Variants in TGFBRAP1 observed in about 807,000 individuals in gnomAD.
TGFBRAP1 encodes transforming growth factor beta receptor associated protein 1.
In TGFBRAP1, 20 loss-of-function variants were observed where a neutral mutation model predicts 83.2. The ratio of observed to expected loss-of-function variants is 0.24; its 90% confidence interval spans 0.17 to 0.35. The LOEUF is 0.35. TGFBRAP1 is among the 10% of genes least tolerant of loss of function. The pLI, the probability that TGFBRAP1 is intolerant of heterozygous loss-of-function variation, is 1.00. For synonymous variants in TGFBRAP1, 415 were observed against 459.8 expected, an observed-to-expected ratio of 0.90 and a Z score of 1.25; for missense variants, 950 against 1,099.4, an observed-to-expected ratio of 0.86 and a Z score of 1.92.
At chr2:105,323,704 C>CA (rs956280367) in intron 1 of TGFBRAP1, among the ~76,000 whole-genome samples, 14 of 152,118 alleles carry the variant, frequency 9.2e-5, no homozygotes, top group African/African-American at 3.4e-4. Flanking sequence ...GAGATGTCAA[C>CA]AAAAGTCCCT....
intron 10 of TGFBRAP1, among the ~76,000 whole-genome samples, 165 bp downstream of exon 10, chr2:105,272,690 A>G (rs965591485): frequency 5.3e-5 from 8 of 152,128 alleles, no homozygotes. Flanking sequence ...TGGGTGACAA[A>G]GCGACACCCT....
chr2:105,325,476 C>T (rs1679200727), intron 1 of TGFBRAP1, among the ~76,000 whole-genome samples: 1 of 152,116 alleles, frequency 6.6e-6, no homozygotes, highest in Non-Finnish European at 1.5e-5. Flanking sequence ...ACTCCAAGGC[C>T]ATATTCTTAT....
chr2:105,281,773 C>T (rs1008717564), intron 5 of TGFBRAP1, among the ~76,000 whole-genome samples: 18 of 152,124 alleles, frequency 1.2e-4, no homozygotes, highest in African/African-American at 3.9e-4. Context: ...TCAGCCTTTG[C>T]TGTGGTTGTT....
intron 2 of TGFBRAP1, among the ~76,000 whole-genome samples, chr2:105,306,036 G>A (rs1461523621): frequency 1.3e-5 from 2 of 150,878 alleles, no homozygotes; most frequent in Admixed American, 6.6e-5. Context: ...GAACCCTTAC[G>A]GAGTTTTCTG....
Position 105,308,284 on chromosome 2 carries a change from G to T in TGFBRAP1, c.18C>A (p.Ala6=), listed in dbSNP as rs1678587605. Reference sequence around the variant, plus strand: ...GCTCCACAGCAGAGACAAGCGTAAAGGCTTTGATGCTCATCATGTCTACTG... The same window carrying T: ...GCTCCACAGCAGAGACAAGCGTAAATGCTTTGATGCTCATCATGTCTACTG... The part of the protein sequence containing the change: MMSIK[A]FTLVSAVERE... The change falls in exon 2 of 12, where the codon GCC becomes GCA. Residue 6 remains alanine (A), a synonymous_variant. Transcript: ENST00000393359. The T allele has an allele frequency of 6.2e-7, 1 of 1,610,512 alleles. No individual in the cohort carries two copies. Among genetic ancestry groups the T allele is most frequent in the Non-Finnish European group, 8.5e-7 (1 of 1,177,076 alleles).
intron 4 of TGFBRAP1, among the ~76,000 whole-genome samples, chr2:105,289,543 A>G (rs1036209845): frequency 2.6e-5 from 4 of 152,170 alleles, no homozygotes; most frequent in Admixed American, 2.6e-4. Flanking sequence ...CTTTTATGCC[A>G]TTTTAATAGT....
chr2:105,257,038 A>T, the TGFBRAP1 span, among the ~76,000 whole-genome samples: 2 of 152,218 alleles, frequency 1.3e-5, no homozygotes, highest in Non-Finnish European at 2.9e-5. Context: ...CTTGTTTAGC[A>T]TGTAATCAAG....
At position 105,267,107 on chromosome 2, in the gene TGFBRAP1, T is replaced by A; in HGVS notation, c.*276A>T. On this transcript the variant is annotated 3_prime_UTR_variant, in exon 12 of 12. Transcript: ENST00000393359. Reference sequence around the variant, plus strand: ...TTTCAAAGTAGACCTCTGTCTTGGATTACTATGTACCTGGACAGGTGAACT... The same window carrying A: ...TTTCAAAGTAGACCTCTGTCTTGGAATACTATGTACCTGGACAGGTGAACT... 1 of 372,914 alleles carries A rather than the reference T, an allele frequency of 2.7e-6. No homozygotes were observed. Among genetic ancestry groups the A allele is most frequent in the Non-Finnish European group, 4.8e-6 (1 of 208,522 alleles). 23.1% of individuals were successfully genotyped at this position (372,914 alleles called of 1,614,324 possible).
At chr2:105,274,616 G>A (rs919079784) in intron 8 of TGFBRAP1, among the ~76,000 whole-genome samples, 12 of 152,282 alleles carry the variant, frequency 7.9e-5, no homozygotes, top group African/African-American at 2.6e-4. Context: ...ACCTTGCAAC[G>A]GCACTGAGAT....
chr2:105,275,661 G>A lies in TGFBRAP1; in HGVS notation c.1564C>T (p.Arg522Cys), dbSNP rs369423695. The A allele has an allele frequency of 1.3e-4, 206 of 1,613,752 alleles. No individual in the cohort carries two copies. The highest frequency in any genetic ancestry group is 1.4e-4 in the South Asian group (13 of 91,028). ...IVNGDVQDST[R>C]SDLYEYIVDF... ...ACGATGTATTCATACAGGTCTGAGCGTGTGGAGTCCTGGACATCGCCATTC... is the reference window on the plus strand; with the variant it reads ...ACGATGTATTCATACAGGTCTGAGCATGTGGAGTCCTGGACATCGCCATTC... The change falls in exon 8 of 12, where the codon CGC becomes TGC. Residue 522 changes from arginine to cysteine, a missense_variant. Physicochemically the swap from Arg to Cys is radical, Grantham distance 180. Transcript: ENST00000393359.
chr2:105,294,307 G>GGGGTGTGTGT (rs1553404589), intron 4 of TGFBRAP1, among the ~76,000 whole-genome samples: 3 of 147,894 alleles, frequency 2.0e-5, no homozygotes, highest in Non-Finnish European at 4.5e-5. Flanking sequence ...TAGGAGTGAG[G>GGGGTGTGTGT]GTGTGTGTGT....
chr2:105,319,488 T>C (rs1447106169), intron 1 of TGFBRAP1, among the ~76,000 whole-genome samples: 1 of 149,904 alleles, frequency 6.7e-6, no homozygotes, highest in African/African-American at 2.4e-5. Context: ...GGTCAGGAGT[T>C]TGAGACCAGC....
intron 4 of TGFBRAP1, among the ~76,000 whole-genome samples, chr2:105,289,990 G>C (rs11895845): frequency 0.018 from 2,726 of 152,270 alleles, 90 homozygotes; most frequent in African/African-American, 0.062. Flanking sequence ...AAATGTATTG[G>C]TGTATTCTTA....
intron 1 of TGFBRAP1, among the ~76,000 whole-genome samples, chr2:105,322,565 T>C (rs899774275): frequency 3.9e-5 from 6 of 152,142 alleles, no homozygotes; most frequent in African/African-American, 1.4e-4. Flanking sequence ...CCCTTTTCTG[T>C]GTTTAGATGT....
chr2:105,322,167 C>G (rs1679086317), intron 1 of TGFBRAP1, among the ~76,000 whole-genome samples: 1 of 149,984 alleles, frequency 6.7e-6, no homozygotes, highest in South Asian at 2.1e-4. Flanking sequence ...CATTTTTAAC[C>G]AAAAAGTTTA....
At chr2:105,261,222 T>C (rs1573527918), downstream of TGFBRAP1, among the ~76,000 whole-genome samples, 2 of 151,796 alleles carry the variant, frequency 1.3e-5, no homozygotes, top group Non-Finnish European at 1.5e-5. Context: ...GCTGTGGAGG[T>C]AAATCATAAA....
chr2:105,309,578 A>C (rs528082289), intron 1 of TGFBRAP1, among the ~76,000 whole-genome samples: 1 of 152,216 alleles, frequency 6.6e-6, no homozygotes, highest in Non-Finnish European at 1.5e-5. Context: ...GAATTCTACA[A>C]TTTTGTGTCT....
intron 4 of TGFBRAP1, among the ~76,000 whole-genome samples, chr2:105,287,456 T>A (rs1279209498): frequency 6.6e-6 from 1 of 152,206 alleles, no homozygotes; most frequent in Non-Finnish European, 1.5e-5. Flanking sequence ...GCTTCTCATG[T>A]CTGTGGTGAT....
chr2:105,299,733 T>C (rs924371102), intron 2 of TGFBRAP1, among the ~76,000 whole-genome samples: 5 of 151,684 alleles, frequency 3.3e-5, no homozygotes, highest in Non-Finnish European at 7.4e-5. Context: ...CACCTCAAAA[T>C]AAATAAATAA....
Sources: allele counts gnomAD v4.1 joint callset (sites outside exome capture counted in the v4.1 genomes callset), GRCh38; gene constraint gnomAD v4.1.1; transcripts MANE v1.5; gene names NCBI Gene and HGNC (gene_info 2026-07-23, HGNC 2026-07-21).